The following AGBL1 variants were observed in gnomAD, a reference collection of about 807,000 sequenced individuals.
AGBL1 encodes AGBL carboxypeptidase 1.
Under a neutral mutation model 118.9 loss-of-function variants are expected in AGBL1, and 130 were observed. The observed-to-expected ratio is 1.09, with a 90% CI of 0.95 to 1.26. The LOEUF is 1.26. Among genes scored for constraint, AGBL1 ranks in the 50% most tolerant of loss-of-function variants. The pLI is 0.00. For synonymous variants in AGBL1, 555 were observed against 478.9 expected (o/e 1.16, Z -2.08); for missense variants, 1,584 against 1,298.1 (o/e 1.22, Z -3.38).
intron 18 of AGBL1, among the ~76,000 whole-genome samples, chr15:86,475,189 G>A (rs1056991195): frequency 7.2e-5 from 11 of 152,244 alleles, no homozygotes; most frequent in South Asian, 2.1e-4. Flanking sequence ...AAAGGAACGC[G>A]ACTCATTGCC....
intron 7 of AGBL1, among the ~76,000 whole-genome samples, chr15:86,248,580 T>C (rs1457720041): frequency 6.6e-6 from 1 of 152,176 alleles, no homozygotes; most frequent in Non-Finnish European, 1.5e-5. Context: ...TTGTGTGGAC[T>C]AAATAAGTTA....
At chr15:86,236,411 A>C (rs1398448098) in intron 6 of AGBL1, among the ~76,000 whole-genome samples, 1 of 151,254 alleles carries the variant, frequency 6.6e-6, no homozygotes, top group African/African-American at 2.4e-5. Context: ...AATGCATTGC[A>C]CAGAAGAAGA....
chr15:86,538,737 A>C (rs1326257518), intron 19 of AGBL1, among the ~76,000 whole-genome samples: 2 of 152,230 alleles, frequency 1.3e-5, no homozygotes, highest in Non-Finnish European at 2.9e-5. Flanking sequence ...AATGAGACCC[A>C]GATGTCAGAA....
chr15:86,753,397 C>CTTTTTTTTT (rs1555446759), intron 22 of AGBL1, among the ~76,000 whole-genome samples: 18 of 111,292 alleles, frequency 1.6e-4, no homozygotes, highest in East Asian at 5.3e-4. Flanking sequence ...TTTTCTTTTT[C>CTTTTTTTTT]TTTTTTTTTT....
chr15:86,504,048 A>T (rs2082946782), intron 18 of AGBL1, among the ~76,000 whole-genome samples: 1 of 151,596 alleles, frequency 6.6e-6, no homozygotes, highest in Non-Finnish European at 1.5e-5. Flanking sequence ...TTTTTGGTGA[A>T]TTGTCTATTT....
At chr15:86,771,912 A>C (rs1006168910) in intron 22 of AGBL1, among the ~76,000 whole-genome samples, 3 of 152,008 alleles carry the variant, frequency 2.0e-5, no homozygotes, top group African/African-American at 2.4e-5. Context: ...CATTAAGGGA[A>C]ATGGGTGTTT....
At chr15:86,338,354 G>A (rs188434621) in intron 17 of AGBL1, among the ~76,000 whole-genome samples, 1 of 152,314 alleles carries the variant, frequency 6.6e-6, no homozygotes. Flanking sequence ...GCAGAGGTAA[G>A]TTCTGAGAGG....
Position 86,520,449 on chromosome 15 carries a change from G to T in AGBL1, c.2556-2361G>T, listed in dbSNP as rs1448081885. ...TTGGAACTAGGTCTTATTCAAATTT[G>T]GGCTTCTGGTTTCAGCACAAAACTT... On this transcript the variant is annotated intron_variant, in intron 18 of 22. Coordinates refer to ENST00000614907, the MANE Select transcript of AGBL1 (RefSeq NM_001386094.1). Among the ~76,000 whole-genome samples, 3 of 152,034 alleles carry T rather than the reference G, an allele frequency of 2.0e-5. No homozygotes were observed. In the East Asian group the frequency reaches 5.8e-4, roughly 29 times the overall value.
intron 22 of AGBL1, among the ~76,000 whole-genome samples, chr15:86,696,262 C>T (rs927446770): frequency 4.0e-5 from 6 of 151,872 alleles, no homozygotes; most frequent in African/African-American, 1.5e-4. Context: ...TTGGGAGCTC[C>T]AGTGTTAGAT....
At chr15:86,304,097 A>G (rs1331256251) in intron 17 of AGBL1, among the ~76,000 whole-genome samples, 1 of 152,184 alleles carries the variant, frequency 6.6e-6, no homozygotes, top group Non-Finnish European at 1.5e-5. Context: ...AATTGTTTAC[A>G]CTACAAGTAA....
chr15:87,009,273 G>C (rs548754589), intron 24 of AGBL1, among the ~76,000 whole-genome samples: 1 of 152,126 alleles, frequency 6.6e-6, no homozygotes, highest in African/African-American at 2.4e-5. Flanking sequence ...GACTAAAAGG[G>C]GCCAATGTAC....
chr15:86,442,052 C>G (rs2082070534), intron 18 of AGBL1, among the ~76,000 whole-genome samples: 1 of 152,204 alleles, frequency 6.6e-6, no homozygotes, highest in Non-Finnish European at 1.5e-5. Flanking sequence ...CCCTCAGGAA[C>G]TGAGAAGGGA....
intron 5 of AGBL1, among the ~76,000 whole-genome samples, chr15:86,213,101 T>C (rs1359928995): frequency 6.6e-6 from 1 of 152,218 alleles, no homozygotes; most frequent in Non-Finnish European, 1.5e-5. Flanking sequence ...CAAAAATGAA[T>C]AACTGCCCTT....
At chr15:86,733,943 C>G (rs1423955340) in intron 22 of AGBL1, among the ~76,000 whole-genome samples, 1 of 152,156 alleles carries the variant, frequency 6.6e-6, no homozygotes, top group Non-Finnish European at 1.5e-5. Context: ...TCTCACCATT[C>G]TGTAAGTAAA....
intron 22 of AGBL1, among the ~76,000 whole-genome samples, chr15:86,805,193 CT>C (rs973430150): frequency 5.3e-4 from 78 of 146,232 alleles, no homozygotes; most frequent in Middle Eastern, 3.5e-3. Context: ...AGGGTTTTTT[CT>C]TTTTTTTTTT....
At chr15:86,555,120 C>A (rs1243802330) in intron 21 of AGBL1, among the ~76,000 whole-genome samples, 1 of 152,206 alleles carries the variant, frequency 6.6e-6, no homozygotes, top group African/African-American at 2.4e-5. Flanking sequence ...CACATTCTTT[C>A]TACAGCTATA....
intron 22 of AGBL1, among the ~76,000 whole-genome samples, chr15:86,825,685 G>A (rs8035953): frequency 0.94 from 128,075 of 136,508 alleles, 59,869 homozygotes; most frequent in Non-Finnish European, 0.96. Flanking sequence ...GGAAGGAAGG[G>A]AGAGAGGGAG....
In AGBL1 at chr15:86,198,342, C is replaced by T. The variant is rs550044095; in HGVS notation, c.489-26572C>T. 5.3e-5 allele frequency among the ~76,000 whole-genome samples: 8 copies of T among 152,172 alleles called. 1 individual carries two copies. The highest frequency in any genetic ancestry group is 4.2e-4 in the South Asian group (2 of 4,816). Reference sequence around the variant, plus strand: ...TATTCTGAATACAATTGTATTCGACCGTACTTGACTTAGACAATAATTAGA... The same window carrying T: ...TATTCTGAATACAATTGTATTCGACTGTACTTGACTTAGACAATAATTAGA... On this transcript the variant is annotated intron_variant, in intron 5 of 22. Coordinates refer to ENST00000614907, the MANE Select transcript of AGBL1 (RefSeq NM_001386094.1).
At chr15:87,008,059 A>C (rs763021983) in intron 24 of AGBL1, among the ~76,000 whole-genome samples, 2 of 152,206 alleles carry the variant, frequency 1.3e-5, no homozygotes, top group African/African-American at 2.4e-5. Flanking sequence ...TTAGGTGTCA[A>C]CTTGACTGGA....
Sources: gnomAD v4.1 joint callset for allele counts (sites outside exome capture counted in the v4.1 genomes callset) on GRCh38, gnomAD v4.1.1 for gene constraint, MANE v1.5 for transcripts, NCBI Gene and HGNC (gene_info 2026-07-23, HGNC 2026-07-21) for gene names.